The following CNIH3 variants were observed in gnomAD, a reference collection of about 807,000 sequenced individuals.
CNIH3 encodes the protein protein cornichon homolog 3.
In CNIH3, 14 loss-of-function variants were observed where a neutral mutation model predicts 24.1. The observed-to-expected ratio is 0.58, with a 90% confidence interval of 0.38 to 0.91. The LOEUF is 0.91. CNIH3 is among the 40% of genes least tolerant of loss of function. The pLI is 0.00. For missense variants in CNIH3, 178 were observed against 196.8 expected, an observed-to-expected ratio of 0.90 and a Z score of 0.57; for synonymous variants, 68 against 73.8, an observed-to-expected ratio of 0.92 and a Z score of 0.40.
At chr1:224,555,809 C>T (rs1680113174) in intron 3 of CNIH3, among the ~76,000 whole-genome samples, 2 of 152,142 alleles carry the variant, frequency 1.3e-5, no homozygotes, top group African/African-American at 4.8e-5. Flanking sequence ...TTCCCTTGCC[C>T]TTGACTGACT....
intron 1 of CNIH3, among the ~76,000 whole-genome samples, chr1:224,470,277 C>T (rs1468663345): frequency 1.3e-5 from 2 of 150,302 alleles, no homozygotes; most frequent in South Asian, 2.1e-4. Flanking sequence ...CTCGGCCTCC[C>T]GAAGTGTTGG....
Position 224,574,905 on chromosome 1 carries a change from GC to G in CNIH3, n.517-8258del, listed in dbSNP as rs545415472. ...GCTGGTGGATGAAGGGCTGGTGAAA[GC>G]TATTGGCATCTCCAACTTCAACCAT... On this transcript the variant is annotated intron_variant and non_coding_transcript_variant, in intron 4 of 5. Coordinates refer to the CNIH3 transcript ENST00000471578. The G allele has an allele frequency of 6.6e-4, 668 of 1,014,832 alleles. 2 individuals are homozygous for G. In the African/African-American group the frequency reaches 9.5e-3, roughly 14 times the overall value. 62.9% of individuals were successfully genotyped at this position (1,014,832 alleles called of 1,614,324 possible).
intron 1 of CNIH3, among the ~76,000 whole-genome samples, chr1:224,441,551 G>A (rs1475861974): frequency 1.3e-5 from 2 of 152,158 alleles, no homozygotes; most frequent in Non-Finnish European, 2.9e-5. Context: ...CGAATGTGTT[G>A]TTCATCCCTC....
At chr1:224,486,358 C>A (rs559147142) in intron 1 of CNIH3, among the ~76,000 whole-genome samples, 8 of 152,260 alleles carry the variant, frequency 5.3e-5, no homozygotes, top group Admixed American at 5.2e-4. Context: ...AGCAGTCCTC[C>A]TGCCTCTGCC....
chr1:224,472,045 G>A (rs918796684), intron 1 of CNIH3, among the ~76,000 whole-genome samples: 7 of 152,082 alleles, frequency 4.6e-5, no homozygotes, highest in African/African-American at 7.2e-5. Flanking sequence ...ATATCTCTTC[G>A]ATATACTGAT....
chr1:224,562,168 T>G (rs1680401738), intron 3 of CNIH3, among the ~76,000 whole-genome samples: 1 of 152,180 alleles, frequency 6.6e-6, no homozygotes, highest in Non-Finnish European at 1.5e-5. Flanking sequence ...GTTTACTAGA[T>G]GAATTTATAC....
At chr1:224,624,926 A>G (rs1309850323) in intron 1 of CNIH3, among the ~76,000 whole-genome samples, 1 of 151,970 alleles carries the variant, frequency 6.6e-6, no homozygotes, top group Non-Finnish European at 1.5e-5. Context: ...TCTTCACCCG[A>G]CTGGCTCTGC....
At chr1:224,556,085 C>T (rs1680126745) in intron 3 of CNIH3, among the ~76,000 whole-genome samples, 1 of 152,018 alleles carries the variant, frequency 6.6e-6, no homozygotes, top group Admixed American at 6.5e-5. Flanking sequence ...CTCTCATTTA[C>T]TTGTTTCAAT....
chr1:224,538,225 AG>A (rs1388342336), downstream of CNIH3, among the ~76,000 whole-genome samples: 1 of 152,192 alleles, frequency 6.6e-6, no homozygotes, highest in Non-Finnish European at 1.5e-5. Flanking sequence ...CTAGGATTAC[AG>A]GAGTGAGCCA....
At chr1:224,507,124 C>T (rs564415633) in intron 1 of CNIH3, among the ~76,000 whole-genome samples, 1 of 152,310 alleles carries the variant, frequency 6.6e-6, no homozygotes, top group Admixed American at 6.5e-5. Context: ...CTCAGCTTCT[C>T]ACAGTGCTGG....
Position 224,712,361 on chromosome 1 carries a change from C to G in CNIH3, c.199-18101C>G, listed in dbSNP as rs1688201636. Among the ~76,000 whole-genome samples the G allele has an allele frequency of 2.6e-5, 4 of 152,130 alleles. No individual in the cohort carries two copies. The South Asian group carries it at 8.3e-4, about 32-fold the overall frequency. On this transcript the variant is annotated intron_variant, in intron 3 of 5. Coordinates refer to ENST00000272133, the MANE Select transcript of CNIH3 (RefSeq NM_152495.2). ...TTTGGGAGCCAGTGACTCTTGGGAC[C>G]CTACAAGCTGAAGGTCTTGTCCTGC...
At chr1:224,467,288 G>A (rs892299157) in intron 1 of CNIH3, among the ~76,000 whole-genome samples, 5 of 152,152 alleles carry the variant, frequency 3.3e-5, no homozygotes, top group African/African-American at 1.2e-4. Context: ...GCCCACCTCT[G>A]CCTCCCAAAG....
rs1678906086 is a variant in CNIH3, at chr1:224,527,891, C to T, written n.343+6564C>T. ...GCATATACATATATCTATATCTATA[C>T]AATAATAATACTTCTTTTAAAGTAT... On this transcript the variant is annotated intron_variant and non_coding_transcript_variant, in intron 2 of 2. Coordinates refer to the CNIH3 transcript ENST00000470602. Among the ~76,000 whole-genome samples, 3 of 152,030 alleles carry T rather than the reference C, an allele frequency of 2.0e-5. 1 individual carries two copies. In the South Asian group the frequency reaches 6.2e-4, roughly 31 times the overall value.
intron 5 of CNIH3, among the ~76,000 whole-genome samples, chr1:224,738,999 C>T (rs956872556): frequency 6.6e-6 from 1 of 152,160 alleles, no homozygotes; most frequent in Non-Finnish European, 1.5e-5. Context: ...ACCCCCACCT[C>T]CACCCCCAGA....
chr1:224,555,960 C>T, intron 3 of CNIH3, among the ~76,000 whole-genome samples: 1 of 152,222 alleles, frequency 6.6e-6, no homozygotes, highest in East Asian at 1.9e-4. Context: ...CTTCCTGCCG[C>T]AGCCGGCTTT....
chr1:224,720,738 T>C (rs913351116), intron 3 of CNIH3, among the ~76,000 whole-genome samples: 8 of 152,280 alleles, frequency 5.3e-5, no homozygotes, highest in Non-Finnish European at 8.8e-5. Flanking sequence ...GTAAAATCAC[T>C]GTGACTATTC....
intron 1 of CNIH3, among the ~76,000 whole-genome samples, chr1:224,471,113 T>C (rs926548569): frequency 1.3e-5 from 2 of 152,152 alleles, no homozygotes; most frequent in South Asian, 2.1e-4. Context: ...AGTGGCACAA[T>C]CTCAGCTCAC....
At chr1:224,675,537 A>G (rs191093713) in intron 1 of CNIH3, among the ~76,000 whole-genome samples, 97 of 152,376 alleles carry the variant, frequency 6.4e-4, no homozygotes, top group Non-Finnish European at 1.1e-3. Flanking sequence ...ATGACAAGCC[A>G]CAGCATAGAA....
chr1:224,625,896 T>G (rs1019923129), intron 1 of CNIH3, among the ~76,000 whole-genome samples: 2 of 152,190 alleles, frequency 1.3e-5, no homozygotes, highest in East Asian at 3.9e-4. Flanking sequence ...GTATGTTGAT[T>G]TTGTGCTTCA....
Sources: allele counts gnomAD v4.1 joint callset (sites outside exome capture counted in the v4.1 genomes callset), GRCh38; gene constraint gnomAD v4.1.1; transcripts MANE v1.5; gene names NCBI Gene and HGNC (gene_info 2026-07-23, HGNC 2026-07-21).